Variants in CADPS2 observed in about 807,000 individuals in gnomAD.
CADPS2 encodes the protein calcium dependent secretion activator 2, also known as calcium-dependent secretion activator 2.
In CADPS2, 93 loss-of-function variants were observed where a neutral mutation model predicts 172.5. The ratio of observed to expected loss-of-function variants is 0.54; its 90% CI spans 0.46 to 0.64. CADPS2 has a LOEUF of 0.64. Ranked by LOEUF, CADPS2 falls within the 30% of genes least tolerant of loss-of-function variation. The probability of loss-of-function intolerance (pLI) is 0.00; values close to 1 mark genes in which losing one functional copy is unlikely to be tolerated. For missense variants in CADPS2, 1,420 were observed against 1,565.9 expected (o/e 0.91, Z 1.57); for synonymous variants, 546 against 555.2 (o/e 0.98, Z 0.23).
chr7:122,474,387 A>G lies in CADPS2; in HGVS notation c.1992T>C (p.Ser664=). The G allele has an allele frequency of 6.2e-7, 1 of 1,613,410 alleles. No individual in the cohort carries two copies. The highest frequency in any genetic ancestry group is 2.2e-5 in the East Asian group (1 of 44,772). The change falls in exon 13 of 30, where the codon TCT becomes TCC. Residue 664 remains serine, a synonymous_variant. Coordinates refer to ENST00000449022, the MANE Select transcript of CADPS2 (RefSeq NM_017954.11). ...TLDHRLNDSY[S]CLGWFSPGQV... The stretch of plus-strand genomic sequence containing the variant: ...TAGATAGACTTGTACTCACCAAGCA[A>G]GAATAGGAATCATTCAGTCTGTGAT...
intron 28 of CADPS2, chr7:122,332,038 T>C (rs545953512): frequency 8.1e-4 from 124 of 152,326 alleles, no homozygotes; most frequent in African/African-American, 2.9e-3. Flanking sequence ...CATAGGATTA[T>C]GCACAAATAG....
chr7:122,872,119 T>C (rs1310432733), intron 1 of CADPS2, among the ~76,000 whole-genome samples: 4 of 152,110 alleles, frequency 2.6e-5, no homozygotes, highest in African/African-American at 7.2e-5. Flanking sequence ...TTTCAGCTTC[T>C]TATACCAAGA....
chr7:122,541,964 TATC>T (rs963279593), intron 8 of CADPS2, among the ~76,000 whole-genome samples: 3 of 150,170 alleles, frequency 2.0e-5, no homozygotes, highest in Non-Finnish European at 3.0e-5. Flanking sequence ...ACATGGAATA[TATC>T]ATATGTGTAA....
chr7:122,736,854 TG>T (rs1486554262), intron 2 of CADPS2, 100 bp downstream of exon 2: 6 of 644,592 alleles, frequency 9.3e-6, no homozygotes, highest in Non-Finnish European at 1.6e-5. Context: ...ACAGCCTTCC[TG>T]TCAGACCAGC....
intron 6 of CADPS2, among the ~76,000 whole-genome samples, chr7:122,609,389 A>G (rs2074009284): frequency 6.6e-6 from 1 of 152,200 alleles, no homozygotes; most frequent in African/African-American, 2.4e-5. Flanking sequence ...AAAATGCTAT[A>G]AAAGTGTAGA....
At chr7:122,387,195 C>T (rs1192706554) in intron 23 of CADPS2, 22 bp from the exon 24 acceptor site, 10 of 1,562,082 alleles carry the variant, frequency 6.4e-6, no homozygotes, top group Non-Finnish European at 8.7e-6. Context: ...AACATGAATT[C>T]AGAGTAAGAA....
At chr7:122,395,612 C>T (rs1219686581) in intron 20 of CADPS2, 2 of 152,116 alleles carry the variant, frequency 1.3e-5, no homozygotes, top group African/African-American at 4.8e-5. Context: ...CTCACTCAAA[C>T]CATCTAATTC....
chr7:122,490,474 C>T (rs1038630608), intron 10 of CADPS2, among the ~76,000 whole-genome samples, 193 bp from the exon 11 acceptor site: 3 of 152,040 alleles, frequency 2.0e-5, no homozygotes, highest in South Asian at 4.2e-4. Context: ...GGTTAAGCTC[C>T]CATATTACCT....
chr7:122,692,936 T>C (rs1411708695), intron 2 of CADPS2, among the ~76,000 whole-genome samples: 1 of 152,240 alleles, frequency 6.6e-6, no homozygotes, highest in Non-Finnish European at 1.5e-5. Flanking sequence ...GCCTATACAG[T>C]GTCAGCAGGG....
At chr7:122,779,840 T>C (rs1792210467) in intron 1 of CADPS2, among the ~76,000 whole-genome samples, 1 of 152,194 alleles carries the variant, frequency 6.6e-6, no homozygotes, top group Non-Finnish European at 1.5e-5. Flanking sequence ...TGCTACTATA[T>C]ACCTATGGAC....
At chr7:122,560,772 C>T (rs2065654979) in intron 7 of CADPS2, among the ~76,000 whole-genome samples, 1 of 152,124 alleles carries the variant, frequency 6.6e-6, no homozygotes, top group Non-Finnish European at 1.5e-5. Flanking sequence ...TATACTTTAG[C>T]AAAGATTCAT....
Position 122,838,333 on chromosome 7 carries a change from G to A in CADPS2, c.339+47666C>T, listed in dbSNP as rs1584806308. On this transcript the variant is annotated intron_variant, in intron 1 of 29. Coordinates refer to ENST00000449022, the MANE Select transcript of CADPS2 (RefSeq NM_017954.11). Reference sequence around the variant, plus strand: ...CCCACAGCCAATATTATACTGAATGGGCAAAAACTGGAAGAATTCCCTTTG... The same window carrying A: ...CCCACAGCCAATATTATACTGAATGAGCAAAAACTGGAAGAATTCCCTTTG... 3.3e-5 allele frequency among the ~76,000 whole-genome samples: 5 copies of A among 152,212 alleles called. No homozygotes were observed. The South Asian group carries it at 1.0e-3, about 32-fold the overall frequency.
chr7:122,878,030 G>A (rs938507450), intron 1 of CADPS2, among the ~76,000 whole-genome samples: 1 of 5,488 alleles, frequency 1.8e-4, no homozygotes, highest in Non-Finnish European at 2.6e-4. Flanking sequence ...AGGCCGAGGC[G>A]GTGGATCATG....
At chr7:122,662,723 T>C (rs1329242196) in intron 3 of CADPS2, among the ~76,000 whole-genome samples, 2 of 152,176 alleles carry the variant, frequency 1.3e-5, no homozygotes, top group Non-Finnish European at 2.9e-5. Flanking sequence ...AGAGAAAATA[T>C]AATATTCACT....
intron 16 of CADPS2, 30 bp downstream of exon 16, chr7:122,441,482 T>C (rs1329001822): frequency 1.4e-6 from 2 of 1,434,042 alleles, no homozygotes; most frequent in Non-Finnish European, 1.9e-6. Context: ...AGAAAGCAAA[T>C]AGTATTTATA....
chr7:122,734,803 A>G (rs2092025176), intron 2 of CADPS2, among the ~76,000 whole-genome samples: 1 of 152,102 alleles, frequency 6.6e-6, no homozygotes. Context: ...GCACCCCAGG[A>G]ATGCAGACTC....
intron 3 of CADPS2, among the ~76,000 whole-genome samples, chr7:122,654,952 C>T (rs1425471853): frequency 6.6e-6 from 1 of 152,116 alleles, no homozygotes; most frequent in Non-Finnish European, 1.5e-5. Flanking sequence ...GATTCCAATC[C>T]TCACAGACGA....
chr7:122,571,231 A>T (rs2067217013), intron 7 of CADPS2, among the ~76,000 whole-genome samples: 1 of 152,136 alleles, frequency 6.6e-6, no homozygotes. Flanking sequence ...GCAGATGGCA[A>T]AAAGATGCTA....
At chr7:122,566,334 G>A (rs1207054777) in intron 7 of CADPS2, among the ~76,000 whole-genome samples, 1 of 152,084 alleles carries the variant, frequency 6.6e-6, no homozygotes, top group Non-Finnish European at 1.5e-5. Context: ...CATTAATATA[G>A]CCATTTCAGA....
Sources: gnomAD v4.1 joint callset for allele counts (sites outside exome capture counted in the v4.1 genomes callset) on GRCh38, gnomAD v4.1.1 for gene constraint, MANE v1.5 for transcripts, NCBI Gene and HGNC (gene_info 2026-07-23, HGNC 2026-07-21) for gene names.